Variants in KDM2A observed in about 807,000 individuals in gnomAD.
KDM2A encodes the protein lysine demethylase 2A, also known as lysine-specific demethylase 2A.
Under a neutral mutation model 137.3 loss-of-function variants are expected in KDM2A, and 3 were observed. The ratio of observed to expected loss-of-function variants is 0.02; its 90% CI spans 0.01 to 0.06. The LOEUF is 0.06. Among genes scored for constraint, KDM2A ranks in the 10% least tolerant of loss-of-function variants. The pLI is 1.00. For synonymous variants in KDM2A, 512 were observed against 541.5 expected (o/e 0.95, Z 0.76); for missense variants, 738 against 1,510.6 (o/e 0.49, Z 8.48).
chr11:67,124,552 A>G (rs1368693266), intron 2 of KDM2A, among the ~76,000 whole-genome samples: 1 of 142,872 alleles, frequency 7.0e-6, no homozygotes, highest in East Asian at 2.1e-4. Context: ...ACCTCAGATG[A>G]TCACCCACCT....
At chr11:67,222,135 G>A (rs1160753412) in intron 10 of KDM2A, among the ~76,000 whole-genome samples, 9 of 114,556 alleles carry the variant, frequency 7.9e-5, no homozygotes, top group Middle Eastern at 4.0e-3. Flanking sequence ...GGATTTGGCA[G>A]GGTCATGGGA....
chr11:67,184,245 G>A (rs1857153729), intron 5 of KDM2A, among the ~76,000 whole-genome samples: 1 of 152,084 alleles, frequency 6.6e-6, no homozygotes, highest in Non-Finnish European at 1.5e-5. Flanking sequence ...TGTAATCCCA[G>A]CACTTTGGGA....
At position 67,242,803 on chromosome 11, in the gene KDM2A, G is replaced by A. The variant is rs535008081; in HGVS notation, c.1480-206G>A. Reference sequence around the variant, plus strand: ...CCAGCCTCAAAGTTTTGATAATATTGCAGCAGCCTAAGTTTGAGTTTTCTC... The same window carrying A: ...CCAGCCTCAAAGTTTTGATAATATTACAGCAGCCTAAGTTTGAGTTTTCTC... On this transcript the variant is annotated intron_variant, in intron 12 of 20. Transcript: ENST00000529006. 3.9e-5 allele frequency among the ~76,000 whole-genome samples: 6 copies of A among 152,242 alleles called. No individual in the cohort carries two copies. The East Asian group carries it at 1.2e-3, about 29-fold the overall frequency.
chr11:67,176,998 C>T (rs1183826614), intron 2 of KDM2A, among the ~76,000 whole-genome samples: 3 of 152,032 alleles, frequency 2.0e-5, no homozygotes, highest in Non-Finnish European at 2.9e-5. Flanking sequence ...TGGCTCACGC[C>T]TGTAATCCCA....
chr11:67,247,057 ATATATATATATAT>A (rs1565424081), intron 15 of KDM2A, among the ~76,000 whole-genome samples: 1 of 22,614 alleles, frequency 4.4e-5, no homozygotes, highest in Non-Finnish European at 8.2e-5. Flanking sequence ...ATATATATAT[ATATATATATATAT>A]ATTTTTTTTT....
In KDM2A at chr11:67,255,379, C is replaced by T. The variant is rs931571769; in HGVS notation, c.*324C>T. Reference sequence around the variant, plus strand: ...TTTGGGGTGTTTGTGCAACCTTCATCTGCACTGGGCCCTGTGCCCCTCCTC... The same window carrying T: ...TTTGGGGTGTTTGTGCAACCTTCATTTGCACTGGGCCCTGTGCCCCTCCTC... On this transcript the variant is annotated 3_prime_UTR_variant, in exon 21 of 21. Transcript: ENST00000529006. The T allele has an allele frequency of 4.3e-6, 2 of 464,266 alleles. No individual in the cohort carries two copies. Among genetic ancestry groups the T allele is most frequent in the Non-Finnish European group, 8.4e-6 (2 of 237,396 alleles). 28.8% of individuals were successfully genotyped at this position (464,266 alleles called of 1,614,324 possible).
chr11:67,147,493 G>A, intron 2 of KDM2A, among the ~76,000 whole-genome samples: 1 of 150,654 alleles, frequency 6.6e-6, no homozygotes, highest in East Asian at 2.0e-4. Context: ...AGTGAGCCGA[G>A]ATCGCGCCAC....
chr11:67,233,267 C>T (rs1380297979), intron 12 of KDM2A, among the ~76,000 whole-genome samples: 1 of 150,350 alleles, frequency 6.7e-6, no homozygotes, highest in Non-Finnish European at 1.5e-5. Flanking sequence ...ACCTGTAATC[C>T]TAGCACTTTG....
Position 67,246,197 on chromosome 11 carries a change from G to A in KDM2A, c.1965+81G>A, listed in dbSNP as rs571405190. 43 of 1,485,054 alleles carry A rather than the reference G, an allele frequency of 2.9e-5. No homozygotes were observed. The East Asian group carries it at 4.3e-4, about 15-fold the overall frequency. 92.0% of individuals were successfully genotyped at this position (1,485,054 alleles called of 1,614,324 possible). A position where few individuals can be genotyped will look rare whatever the true frequency, so the allele number is the denominator to read the frequency against. ...ACAGAATGGGACACTTGTGATGGGAGTGCCAGCATCCCTACTGTAGGCCAT... is the reference window on the plus strand; with the variant it reads ...ACAGAATGGGACACTTGTGATGGGAATGCCAGCATCCCTACTGTAGGCCAT... On this transcript the variant is annotated intron_variant, in intron 15 of 20. Coordinates refer to ENST00000529006, the MANE Select transcript of KDM2A (RefSeq NM_012308.3).
At chr11:67,253,804 G>T (rs968162446) in intron 19 of KDM2A, among the ~76,000 whole-genome samples, 193 bp downstream of exon 19, 2 of 152,210 alleles carry the variant, frequency 1.3e-5, no homozygotes, top group African/African-American at 4.8e-5. Context: ...TACAAACAAT[G>T]GAGTAAGTCC....
At chr11:67,223,095 G>A (rs560239588) in intron 10 of KDM2A, among the ~76,000 whole-genome samples, 2 of 151,990 alleles carry the variant, frequency 1.3e-5, no homozygotes, top group South Asian at 4.1e-4. Context: ...AGGAGGCTGA[G>A]GCAGGAAAAT....
intron 3 of KDM2A, among the ~76,000 whole-genome samples, chr11:67,180,610 C>T (rs1857069780): frequency 6.6e-6 from 1 of 152,026 alleles, no homozygotes; most frequent in African/African-American, 2.4e-5. Flanking sequence ...GGCAAACTGA[C>T]AAGGATGTCA....
At chr11:67,159,290 C>T (rs535267200) in intron 2 of KDM2A, among the ~76,000 whole-genome samples, 2 of 152,112 alleles carry the variant, frequency 1.3e-5, no homozygotes, top group Non-Finnish European at 2.9e-5. Flanking sequence ...TTTCTACATC[C>T]GAGTTACCTT....
At chr11:67,175,297 C>A (rs143513642) in intron 2 of KDM2A, among the ~76,000 whole-genome samples, 9 of 152,266 alleles carry the variant, frequency 5.9e-5, no homozygotes, top group African/African-American at 1.9e-4. Flanking sequence ...GGTGTGGTGG[C>A]TCACACCTGT....
At chr11:67,120,496 C>T (rs1294965883) in intron 1 of KDM2A, among the ~76,000 whole-genome samples, 1 of 152,198 alleles carries the variant, frequency 6.6e-6, no homozygotes, top group Non-Finnish European at 1.5e-5. Context: ...TCGCGCCGGC[C>T]GGTCTTTTAT....
intron 2 of KDM2A, among the ~76,000 whole-genome samples, chr11:67,162,048 G>A (rs184971915): frequency 6.6e-6 from 1 of 152,164 alleles, no homozygotes; most frequent in East Asian, 1.9e-4. Context: ...AATTGTTCTG[G>A]ACTACTGTTC....
At chr11:67,227,898 G>A (rs1858597269) in intron 10 of KDM2A, 139 bp from the exon 11 acceptor site, 1 of 838,342 alleles carries the variant, frequency 1.2e-6, no homozygotes, top group South Asian at 1.7e-5. Context: ...TTCTGCTTAA[G>A]TTTTTGCTTC....
At chr11:67,158,757 C>G (rs12293258) in intron 2 of KDM2A, among the ~76,000 whole-genome samples, 13,332 of 152,038 alleles carry the variant, frequency 0.088, 1,975 homozygotes, top group African/African-American at 0.3. Context: ...CCAAAGTGCT[C>G]GTATTATAGG....
chr11:67,153,959 C>T (rs77199231), intron 2 of KDM2A, among the ~76,000 whole-genome samples: 4,086 of 152,140 alleles, frequency 0.027, 190 homozygotes, highest in African/African-American at 0.093. Context: ...CATCATGACA[C>T]ATTATTCCTA....
Sources: allele counts gnomAD v4.1 joint callset (sites outside exome capture counted in the v4.1 genomes callset), GRCh38; gene constraint gnomAD v4.1.1; transcripts MANE v1.5; gene names NCBI Gene and HGNC (gene_info 2026-07-23, HGNC 2026-07-21).